Variants in FBXO36 observed in about 807,000 individuals in gnomAD.
The protein encoded by FBXO36 is F-box protein 36.
FBXO36 carries 18 observed loss-of-function variants against 17.0 expected under a neutral mutation model. The ratio of observed to expected loss-of-function variants is 1.06; its 90% CI spans 0.73 to 1.57. FBXO36 has a LOEUF of 1.57. Among genes scored for constraint, FBXO36 ranks in the 40% most tolerant of loss-of-function variants. The probability of loss-of-function intolerance (pLI) is 0.00; values close to 1 mark genes in which losing one functional copy is unlikely to be tolerated. For synonymous variants in FBXO36, 83 were observed against 85.3 expected (o/e 0.97, Z 0.15); for missense variants, 229 against 221.9 (o/e 1.03, Z -0.20).
Position 229,981,721 on chromosome 2 carries a change from AG to A in FBXO36, c.205+5373del, listed in dbSNP as rs1368584709. Among the ~76,000 whole-genome samples the A allele has an allele frequency of 1.2e-4, 10 of 84,604 alleles. 2 individuals are homozygous for A. Among genetic ancestry groups the A allele is most frequent in the East Asian group, 7.1e-4 (2 of 2,834 alleles). 55.5% of individuals were successfully genotyped at this position (84,604 alleles called of 152,430 possible). A position where few individuals can be genotyped will look rare whatever the true frequency, so the allele number is the denominator to read the frequency against. On this transcript the variant is annotated intron_variant, in intron 2 of 3. Transcript: ENST00000283946. ...TGTCTCAAAAAAAAAAAAAAAAGAA[AG>A]AAAGAAAAAGGAAAAGAAAAAAAAA...
intron 1 of FBXO36, among the ~76,000 whole-genome samples, chr2:229,946,672 T>G (rs1259221554): frequency 6.6e-6 from 1 of 152,142 alleles, no homozygotes; most frequent in Non-Finnish European, 1.5e-5. Flanking sequence ...GAGAGACAAT[T>G]TCTTTTCTAG....
intron 3 of FBXO36, among the ~76,000 whole-genome samples, chr2:230,005,441 A>G (rs1417938450): frequency 2.0e-5 from 3 of 152,100 alleles, no homozygotes; most frequent in Admixed American, 2.0e-4. Flanking sequence ...TACCCTCTGT[A>G]TTTATAAATG....
intron 1 of FBXO36, among the ~76,000 whole-genome samples, chr2:229,949,756 T>C (rs1259973411): frequency 2.0e-5 from 3 of 151,758 alleles, no homozygotes; most frequent in South Asian, 2.1e-4. Context: ...AAACCCTGAC[T>C]CTACTAAAAA....
At chr2:230,003,547 T>C (rs2077371343) in intron 3 of FBXO36, among the ~76,000 whole-genome samples, 1 of 152,048 alleles carries the variant, frequency 6.6e-6, no homozygotes, top group Admixed American at 6.6e-5. Flanking sequence ...CTTTTTTTTT[T>C]TTTGACACGG....
chr2:229,939,381 A>G (rs2076985212), intron 1 of FBXO36: 1 of 494,978 alleles, frequency 2.0e-6, no homozygotes. Flanking sequence ...GTATTAAAGT[A>G]TCTCTTCAGC....
At chr2:230,010,159 G>A (rs2077407848) in intron 3 of FBXO36, among the ~76,000 whole-genome samples, 1 of 152,214 alleles carries the variant, frequency 6.6e-6, no homozygotes, top group Non-Finnish European at 1.5e-5. Context: ...TACTTGGGAG[G>A]CTGAGGCAGG....
intron 1 of FBXO36, among the ~76,000 whole-genome samples, chr2:229,958,412 AGGCGCCCGCCAC>A (rs1257160809): frequency 1.3e-5 from 2 of 152,020 alleles, no homozygotes; most frequent in East Asian, 1.9e-4. Context: ...CTGGGACTAC[AGGCGCCCGCCAC>A]GGCGCCCGGC....
intron 3 of FBXO36, among the ~76,000 whole-genome samples, chr2:229,998,163 A>C (rs2106211236): frequency 6.6e-6 from 1 of 152,292 alleles, no homozygotes; most frequent in African/African-American, 2.4e-5. Flanking sequence ...ATGCAATAAA[A>C]TGTCTTTATT....
chr2:229,931,167 C>T (rs1323031165), intron 1 of FBXO36, among the ~76,000 whole-genome samples: 1 of 152,146 alleles, frequency 6.6e-6, no homozygotes, highest in African/African-American at 2.4e-5. Flanking sequence ...TGATTAAACT[C>T]TTAAAAATAA....
chr2:229,944,323 A>T (rs535549087), intron 1 of FBXO36, among the ~76,000 whole-genome samples: 1 of 152,358 alleles, frequency 6.6e-6, no homozygotes, highest in East Asian at 1.9e-4. Context: ...ATTTGTGTAG[A>T]CAGCCTAGAC....
chr2:229,935,994 C>T (rs984526367), intron 1 of FBXO36, among the ~76,000 whole-genome samples: 15 of 152,066 alleles, frequency 9.9e-5, no homozygotes, highest in South Asian at 2.1e-4. Context: ...TCAAGATCAG[C>T]GTGGCCAACA....
At position 230,011,628 on chromosome 2, in the gene FBXO36, T is replaced by TTTTC. The variant is rs2077416799; in HGVS notation, c.*744_*745insTTTC. ...TTTTTTTTTTTTTGTATTTTCTTTT[T>TTTTC]AGTAGAGGTGGAGTTTCGCCATGTA... On this transcript the variant is annotated 3_prime_UTR_variant, in exon 4 of 4. Coordinates refer to ENST00000283946, the MANE Select transcript of FBXO36 (RefSeq NM_174899.5). 1 of 151,192 alleles carries TTTTC rather than the reference T, an allele frequency of 6.6e-6. No individual in the cohort carries two copies. The allele number at this position is 151,192 out of a possible 1,614,324, so 9.4% of individuals were successfully genotyped here.
Position 229,925,037 on chromosome 2 carries a change from C to A in FBXO36, c.96+2428C>A, listed in dbSNP as rs1395303634. ...GAGCCACCGCGCCCGGCCCTAACTA[C>A]TCTTTTTTAAGAAATCTTTCCCACC... On this transcript the variant is annotated intron_variant, in intron 1 of 3. Coordinates refer to ENST00000283946, the MANE Select transcript of FBXO36 (RefSeq NM_174899.5). Among the ~76,000 whole-genome samples the A allele has an allele frequency of 5.3e-5, 8 of 152,082 alleles. 1 individual carries two copies. In the East Asian group the frequency reaches 1.5e-3, roughly 29 times the overall value.
intron 1 of FBXO36, among the ~76,000 whole-genome samples, chr2:229,954,234 A>ATGTTTTTTTTTTTT (rs2077072335): frequency 1.4e-5 from 1 of 71,376 alleles, no homozygotes; most frequent in Non-Finnish European, 2.6e-5. Flanking sequence ...AACCCTTTGG[A>ATGTTTTTTTTTTTT]TTTTTTTTTT....
chr2:229,995,542 T>G (rs1436255620), intron 2 of FBXO36, among the ~76,000 whole-genome samples: 2 of 151,682 alleles, frequency 1.3e-5, no homozygotes, highest in African/African-American at 2.4e-5. Context: ...CTCTTTATAT[T>G]TTTTCTCTTT....
rs760322584 is a variant in FBXO36, at chr2:229,976,326, TC to T, written c.184del (p.Leu62Ter). ...GAAGCAAAAGAAACCCATGAAGACT[TC>T]CTAGAGAATTCACATCTTCAAGGTA... ...PGEAKETHED[F>X]LENSHLQGQT... On this transcript the variant is annotated frameshift_variant, in exon 2 of 4. Transcript: ENST00000283946. LOFTEE classifies it high-confidence loss of function. 1.8e-5 allele frequency: 29 copies of T among 1,613,222 alleles called. No individual in the cohort carries two copies. The South Asian group carries it at 3.2e-4, about 18-fold the overall frequency.
chr2:229,929,151 C>G (rs1045332828), intron 1 of FBXO36, among the ~76,000 whole-genome samples: 1 of 151,430 alleles, frequency 6.6e-6, no homozygotes, highest in African/African-American at 2.4e-5. Flanking sequence ...CCAGACTGGT[C>G]TCAAACTCCT....
At chr2:230,009,759 G>A (rs376975914) in intron 3 of FBXO36, among the ~76,000 whole-genome samples, 56 of 150,924 alleles carry the variant, frequency 3.7e-4, no homozygotes, top group Non-Finnish European at 4.9e-4. Flanking sequence ...CCTGATCAAC[G>A]TGGCGAAAAC....
chr2:229,959,770 C>T (rs1159551370), intron 1 of FBXO36, among the ~76,000 whole-genome samples: 1 of 151,780 alleles, frequency 6.6e-6, no homozygotes, highest in East Asian at 1.9e-4. Flanking sequence ...GGCGTGAACC[C>T]AGGAGGTGGA....
Sources: allele counts gnomAD v4.1 joint callset (sites outside exome capture counted in the v4.1 genomes callset), GRCh38; gene constraint gnomAD v4.1.1; transcripts MANE v1.5; gene names NCBI Gene and HGNC (gene_info 2026-07-23, HGNC 2026-07-21).